The following FAM20C variants were observed in gnomAD, a reference collection of about 807,000 sequenced individuals.
FAM20C encodes the protein extracellular serine/threonine protein kinase FAM20C.
FAM20C carries 40 observed loss-of-function variants against 51.5 expected under a neutral mutation model. The observed-to-expected ratio is 0.78, with a 90% CI of 0.60 to 1.01. FAM20C has a LOEUF of 1.01. FAM20C is among the 50% of genes least tolerant of loss of function. The probability of loss-of-function intolerance (pLI) is 0.00; values close to 1 mark genes in which losing one functional copy is unlikely to be tolerated. For synonymous variants in FAM20C, 406 were observed against 380.6 expected (o/e 1.07, Z -0.78); for missense variants, 861 against 844.7 (o/e 1.02, Z -0.24).
chr7:202,356 G>A lies in FAM20C; in HGVS notation c.785-6542G>A, dbSNP rs560804396. 2.7e-5 allele frequency among the ~76,000 whole-genome samples: 4 copies of A among 148,432 alleles called. No homozygotes were observed. In the South Asian group the frequency reaches 8.7e-4, roughly 32 times the overall value. ...CATAGAGAGAATGGGTGACTGCTGGGTGAGATTGCACTGGGGAATGGGGCC... is the reference window on the plus strand; with the variant it reads ...CATAGAGAGAATGGGTGACTGCTGGATGAGATTGCACTGGGGAATGGGGCC... On this transcript the variant is annotated intron_variant, in intron 2 of 9. Coordinates refer to ENST00000313766, the MANE Select transcript of FAM20C (RefSeq NM_020223.4).
chr7:228,455 C>T (rs1208688211), intron 3 of FAM20C: 2 of 456,016 alleles, frequency 4.4e-6, no homozygotes, highest in Non-Finnish European at 4.4e-6. Flanking sequence ...GGGCTGGTGT[C>T]ACGGCTCAGT....
chr7:198,401 C>T (rs4075862), intron 2 of FAM20C, among the ~76,000 whole-genome samples: 48,909 of 152,012 alleles, frequency 0.32, 9,181 homozygotes, highest in East Asian at 0.43. Flanking sequence ...TGGACTCTGA[C>T]TTACAAATCT....
intron 3 of FAM20C, among the ~76,000 whole-genome samples, chr7:240,649 C>T (rs1479076546): frequency 1.3e-5 from 2 of 152,158 alleles, no homozygotes; most frequent in Non-Finnish European, 2.9e-5. Flanking sequence ...AGTCCTCATT[C>T]ATTCATTTGT....
At chr7:195,822 G>A (rs776866599) in intron 2 of FAM20C, 90 bp downstream of exon 2, 18 of 1,272,804 alleles carry the variant, frequency 1.4e-5, no homozygotes, top group Non-Finnish European at 1.7e-5. Flanking sequence ...AGAGAGGTCT[G>A]GGAGGCCGTT....
At chr7:194,738 C>A (rs950432301) in intron 1 of FAM20C, among the ~76,000 whole-genome samples, 1 of 151,986 alleles carries the variant, frequency 6.6e-6, no homozygotes, top group Non-Finnish European at 1.5e-5. Flanking sequence ...GAGACGGCCG[C>A]CCAGAGCAGC....
Position 253,664 on chromosome 7 carries a change from C to T in FAM20C, c.1073-2185C>T, listed in dbSNP as rs528638358. Among the ~76,000 whole-genome samples the T allele has an allele frequency of 5.1e-4, 69 of 135,692 alleles. No homozygotes were observed. The Middle Eastern group carries it at 0.015, about 30-fold the overall frequency. 89.0% of individuals were successfully genotyped at this position (135,692 alleles called of 152,430 possible). On this transcript the variant is annotated intron_variant, in intron 5 of 9. Coordinates refer to ENST00000313766, the MANE Select transcript of FAM20C (RefSeq NM_020223.4). Reference sequence around the variant, plus strand: ...GTTGCTGGGACCCCCGCTTCCCGGGCGAGGGGCTGGGCACAGAGCAGGGAG... The same window carrying T: ...GTTGCTGGGACCCCCGCTTCCCGGGTGAGGGGCTGGGCACAGAGCAGGGAG...
chr7:220,440 G>C (rs1019408639), intron 3 of FAM20C, among the ~76,000 whole-genome samples: 1 of 152,004 alleles, frequency 6.6e-6, no homozygotes, highest in Non-Finnish European at 1.5e-5. Context: ...GAACAAATAC[G>C]CAGGAACGTT....
intron 3 of FAM20C, among the ~76,000 whole-genome samples, chr7:245,643 C>T (rs1482682694): frequency 6.6e-6 from 1 of 152,260 alleles, no homozygotes; most frequent in Non-Finnish European, 1.5e-5. Flanking sequence ...CAGACACGAC[C>T]TTGACAATTC....
intron 3 of FAM20C, chr7:227,673 CCA>C (rs1469029797): frequency 6.6e-6 from 1 of 152,164 alleles, no homozygotes; most frequent in East Asian, 1.9e-4. Context: ...GCGTTCATTT[CCA>C]GTCTAGTCGT....
Position 255,982 on chromosome 7 carries a change from C to A in FAM20C, c.1206C>A (p.Thr402=), listed in dbSNP as rs1788574771. Reference sequence around the variant, plus strand: ...ACCTGTCCCTGGCCAAGAGGAAGACCTGGCGGAACCCTTGGCGGCGTTCCT... The same window carrying A: ...ACCTGTCCCTGGCCAAGAGGAAGACATGGCGGAACCCTTGGCGGCGTTCCT... ...LPDLSLAKRK[T]WRNPWRRSYH... is the part of the protein sequence containing the mutation. Residue 402 remains threonine, a synonymous_variant, in exon 6 of 10, where the codon ACC becomes ACA. Coordinates refer to ENST00000313766, the MANE Select transcript of FAM20C (RefSeq NM_020223.4). The A allele has an allele frequency of 6.5e-7, 1 of 1,536,038 alleles. No individual in the cohort carries two copies. The highest frequency in any genetic ancestry group is 8.7e-7 in the Non-Finnish European group (1 of 1,146,828).
intron 3 of FAM20C, among the ~76,000 whole-genome samples, chr7:240,394 A>G (rs1787902746): frequency 6.6e-6 from 1 of 152,052 alleles, no homozygotes; most frequent in African/African-American, 2.4e-5. Flanking sequence ...GGTAGAGGTA[A>G]TAGTGATAAT....
chr7:195,377 C>T (rs559578313), intron 1 of FAM20C, 177 bp from the exon 2 acceptor site: 29 of 479,048 alleles, frequency 6.1e-5, no homozygotes, highest in East Asian at 4.1e-4. Context: ...GGCAGCCGAG[C>T]GGCCACAGAA....
intron 3 of FAM20C, among the ~76,000 whole-genome samples, chr7:234,643 C>T (rs1369962857): frequency 6.6e-6 from 1 of 152,164 alleles, no homozygotes; most frequent in African/African-American, 2.4e-5. Flanking sequence ...GGCCCTGTGT[C>T]TGCCCTCAGC....
intron 2 of FAM20C, among the ~76,000 whole-genome samples, chr7:204,086 C>T (rs1261376324): frequency 6.6e-6 from 1 of 152,242 alleles, no homozygotes; most frequent in African/African-American, 2.4e-5. Flanking sequence ...AACTACCAAG[C>T]TTCAGGCGCC....
intron 2 of FAM20C, among the ~76,000 whole-genome samples, chr7:202,197 G>A (rs992880628): frequency 1.3e-5 from 2 of 152,186 alleles, no homozygotes; most frequent in Non-Finnish European, 1.5e-5. Flanking sequence ...TAGAGAGGAC[G>A]GGTGGCCACT....
rs369123936 is a variant in FAM20C, at chr7:207,037, C to G, written c.785-1861C>G. Among the ~76,000 whole-genome samples, 69 of 33,788 alleles carry G rather than the reference C, an allele frequency of 2.0e-3. 4 individuals are homozygous for G. Among genetic ancestry groups the G allele is most frequent in the East Asian group, 0.014 (6 of 430 alleles). 22.2% of individuals were successfully genotyped at this position (33,788 alleles called of 152,430 possible). ...GGCCCCGCACACGTATCCACTGTGACGCGTCGGTCACTGTCCCCTCGGCCC... is the reference window on the plus strand; with the variant it reads ...GGCCCCGCACACGTATCCACTGTGAGGCGTCGGTCACTGTCCCCTCGGCCC... On this transcript the variant is annotated intron_variant, in intron 2 of 9. Coordinates refer to ENST00000313766, the MANE Select transcript of FAM20C (RefSeq NM_020223.4).
intron 3 of FAM20C, among the ~76,000 whole-genome samples, chr7:235,505 G>A (rs1179355663): frequency 2.0e-5 from 3 of 152,186 alleles, no homozygotes; most frequent in Non-Finnish European, 4.4e-5. Flanking sequence ...TAGTCAGCTT[G>A]TTTGTTTTAA....
intron 4 of FAM20C, among the ~76,000 whole-genome samples, chr7:247,945 A>G (rs191236297): frequency 1.8e-3 from 269 of 152,332 alleles, no homozygotes; most frequent in African/African-American, 6.2e-3. Flanking sequence ...CCATTTAATT[A>G]AGCGAGTGGG....
chr7:232,785 G>A (rs989818887), intron 3 of FAM20C, among the ~76,000 whole-genome samples: 21 of 152,340 alleles, frequency 1.4e-4, no homozygotes, highest in African/African-American at 4.8e-4. Flanking sequence ...TGCCGGGATC[G>A]TGTGCGTTGC....
Sources: gnomAD v4.1 joint callset for allele counts (sites outside exome capture counted in the v4.1 genomes callset) on GRCh38, gnomAD v4.1.1 for gene constraint, MANE v1.5 for transcripts, NCBI Gene and HGNC (gene_info 2026-07-23, HGNC 2026-07-21) for gene names.